The following ATP11A variants were observed in gnomAD, a reference collection of about 807,000 sequenced individuals.
ATP11A encodes the protein ATPase phospholipid transporting 11A.
Under a neutral mutation model 154.4 loss-of-function variants are expected in ATP11A, and 81 were observed. The ratio of observed to expected loss-of-function variants is 0.52; its 90% CI spans 0.44 to 0.63. The LOEUF (loss-of-function observed/expected upper bound fraction) is 0.63, where lower values mean the gene tolerates loss of function less well. Among genes scored for constraint, ATP11A ranks in the 30% least tolerant of loss-of-function variants. The probability of loss-of-function intolerance (pLI) is 0.00; values close to 1 mark genes in which losing one functional copy is unlikely to be tolerated. For synonymous variants in ATP11A, 623 were observed against 585.9 expected (o/e 1.06, Z -0.91); for missense variants, 1,316 against 1,474.3 (o/e 0.89, Z 1.76).
intron 1 of ATP11A, among the ~76,000 whole-genome samples, chr13:112,724,889 A>G (rs1207638635): frequency 1.3e-5 from 2 of 152,146 alleles, no homozygotes; most frequent in African/African-American, 4.8e-5. Context: ...GTCTGACCCA[A>G]GTGTTTCTGT....
At chr13:112,802,573 A>C (rs903942487) in intron 2 of ATP11A, among the ~76,000 whole-genome samples, 12 of 142,520 alleles carry the variant, frequency 8.4e-5, no homozygotes, top group Non-Finnish European at 1.7e-4. Flanking sequence ...AAAAAAAAAA[A>C]CCCAGCAACA....
chr13:112,761,619 T>A (rs1392536185), intron 1 of ATP11A, among the ~76,000 whole-genome samples: 1 of 140,886 alleles, frequency 7.1e-6, no homozygotes, highest in Non-Finnish European at 1.6e-5. Context: ...GGGTACTATC[T>A]CGGATTCAGG....
chr13:112,851,543 A>C (rs2079768211), intron 18 of ATP11A: 1 of 199,050 alleles, frequency 5.0e-6, no homozygotes, highest in Admixed American at 5.4e-5. Flanking sequence ...TTTTTAAGGG[A>C]TGGCATCTTG....
chr13:112,745,074 C>T (rs1891976125), intron 1 of ATP11A, among the ~76,000 whole-genome samples: 1 of 152,164 alleles, frequency 6.6e-6, no homozygotes, highest in South Asian at 2.1e-4. Flanking sequence ...ATAACTATTA[C>T]TATTATTTGA....
At chr13:112,693,111 G>C (rs1000161291) in intron 1 of ATP11A, among the ~76,000 whole-genome samples, 2 of 152,376 alleles carry the variant, frequency 1.3e-5, no homozygotes, top group South Asian at 4.1e-4. Flanking sequence ...TAACCCTGGA[G>C]AGATAGCAGA....
At position 112,746,968 on chromosome 13, in the gene ATP11A, G is replaced by A. The variant is rs577579269; in HGVS notation, c.40-38167G>A. On this transcript the variant is annotated intron_variant, in intron 1 of 29. Coordinates refer to ENST00000375645, the MANE Select transcript of ATP11A (RefSeq NM_015205.3). The surrounding 1 kb of genome is among the most constrained non-coding windows in gnomAD (Gnocchi z 4.1). ...AAAATCGGGTAATTGATTTTTTTCTGTCATTGGCTTGCATTGGCATAGTTT... is the reference window on the plus strand; with the variant it reads ...AAAATCGGGTAATTGATTTTTTTCTATCATTGGCTTGCATTGGCATAGTTT... 28 of 150,566 alleles carry A rather than the reference G, an allele frequency of 1.9e-4. No individual in the cohort carries two copies. Among genetic ancestry groups the A allele is most frequent in the Non-Finnish European group, 4.0e-4 (27 of 67,812 alleles). The allele number at this position is 150,566 out of a possible 1,614,324, so 9.3% of individuals were successfully genotyped here.
intron 1 of ATP11A, among the ~76,000 whole-genome samples, chr13:112,755,599 C>T (rs986025552): frequency 1.3e-5 from 2 of 152,234 alleles, no homozygotes; most frequent in African/African-American, 4.8e-5. Context: ...CTCCCAGAAC[C>T]ATTTCCAATC....
chr13:112,867,500 A>C (rs2080374805), intron 25 of ATP11A, among the ~76,000 whole-genome samples: 1 of 152,156 alleles, frequency 6.6e-6, no homozygotes, highest in Admixed American at 6.5e-5. Flanking sequence ...GGTGCTGGCA[A>C]CGCAGTGCCA....
At chr13:112,826,487 C>A (rs2078937346) in intron 11 of ATP11A, among the ~76,000 whole-genome samples, 1 of 152,216 alleles carries the variant, frequency 6.6e-6, no homozygotes, top group Non-Finnish European at 1.5e-5. Context: ...CACAGCTCAG[C>A]CCCTGGACCC....
At position 112,805,053 on chromosome 13, in the gene ATP11A, C is replaced by T; in HGVS notation, c.252+7C>T. The T allele has an allele frequency of 6.3e-7, 1 of 1,591,942 alleles. No individual in the cohort carries two copies. Among genetic ancestry groups the T allele is most frequent in the Non-Finnish European group, 8.6e-7 (1 of 1,166,710 alleles). On this transcript the variant is annotated splice_region_variant and intron_variant, in intron 3 of 29. Transcript: ENST00000375645. ...TATCATATTTCTGGTGCAGGTAAGGCCGGTCATTGTTTTCCATCTCATCAC... is the reference window on the plus strand; with the variant it reads ...TATCATATTTCTGGTGCAGGTAAGGTCGGTCATTGTTTTCCATCTCATCAC...
In ATP11A at chr13:112,690,719, G is replaced by T. The variant is rs1045860756; in HGVS notation, c.39+264G>T. 6.6e-6 allele frequency among the ~76,000 whole-genome samples: 1 copy of T among 152,006 alleles called. No individual in the cohort carries two copies. Among genetic ancestry groups the T allele is most frequent in the Non-Finnish European group, 1.5e-5 (1 of 67,974 alleles). On this transcript the variant is annotated intron_variant, in intron 1 of 29. Coordinates refer to ENST00000375645, the MANE Select transcript of ATP11A (RefSeq NM_015205.3). This position sits in a 1 kb window ranked among gnomAD's most constrained non-coding sequence, Gnocchi z 5.6. ...TGCTCCCTGGCCGCGGCCGCCTGGC[G>T]CCCCCTTCCCGCCCGCAGCGCCCTG...
chr13:112,774,792 G>A (rs984139289), intron 1 of ATP11A, among the ~76,000 whole-genome samples: 3 of 152,238 alleles, frequency 2.0e-5, no homozygotes, highest in Non-Finnish European at 4.4e-5. Context: ...CTGAATGAAC[G>A]CTCTTTCCTA....
At chr13:112,876,990 C>G (rs1399613325) in intron 28 of ATP11A, among the ~76,000 whole-genome samples, 1 of 152,232 alleles carries the variant, frequency 6.6e-6, no homozygotes, top group African/African-American at 2.4e-5. Flanking sequence ...ATGTTGAAAC[C>G]GATGCCACCA....
intron 1 of ATP11A, among the ~76,000 whole-genome samples, chr13:112,718,277 AT>A (rs1003858569): frequency 6.6e-6 from 1 of 152,022 alleles, no homozygotes; most frequent in Non-Finnish European, 1.5e-5. Context: ...AAGCACCTGG[AT>A]TTTTTTGACG....
Position 112,831,512 on chromosome 13 carries a change from C to T in ATP11A, c.1359C>T (p.Ile453=), listed in dbSNP as rs370697731. The change falls in exon 13 of 30, where the codon ATC becomes ATT. Residue 453 remains isoleucine (I), a synonymous_variant. Coordinates refer to ENST00000375645, the MANE Select transcript of ATP11A (RefSeq NM_015205.3). ...NGQVLPESSG[I]DMIDSSPSVN... is the part of the protein sequence containing the mutation. ...AGGTCCTCCCAGAGTCGTCAGGAAT[C>T]GACATGATTGACTCGTCCCCCAGCG... The T allele has an allele frequency of 1.1e-5, 18 of 1,614,178 alleles. No homozygotes were observed. Among genetic ancestry groups the T allele is most frequent in the Non-Finnish European group, 1.4e-5 (16 of 1,180,032 alleles).
chr13:112,845,596 G>A (rs1301676050), intron 17 of ATP11A, among the ~76,000 whole-genome samples: 19 of 101,834 alleles, frequency 1.9e-4, no homozygotes, highest in African/African-American at 6.7e-4. Flanking sequence ...GTTCTAACCA[G>A]TCCAGTTACC....
chr13:112,739,676 C>A (rs1891336639), intron 1 of ATP11A, among the ~76,000 whole-genome samples: 1 of 152,230 alleles, frequency 6.6e-6, no homozygotes, highest in Non-Finnish European at 1.5e-5. Context: ...CACAGATGTT[C>A]TTGTGTTCTT....
At chr13:112,728,536 G>A (rs1488059467) in intron 1 of ATP11A, among the ~76,000 whole-genome samples, 2 of 148,054 alleles carry the variant, frequency 1.4e-5, no homozygotes, top group Admixed American at 6.8e-5. Context: ...GGGGCCGTGA[G>A]ACTGTGTGGC....
intron 1 of ATP11A, among the ~76,000 whole-genome samples, chr13:112,709,167 T>A (rs74115446): frequency 0.05 from 7,573 of 152,192 alleles, 676 homozygotes; most frequent in African/African-American, 0.17. Flanking sequence ...GATTTTTTTT[T>A]AAATTTACCC....
Sources: allele counts gnomAD v4.1 joint callset (sites outside exome capture counted in the v4.1 genomes callset), GRCh38; gene constraint gnomAD v4.1.1; non-coding constraint Gnocchi (gnomAD v3.1); transcripts MANE v1.5; gene names NCBI Gene and HGNC (gene_info 2026-07-23, HGNC 2026-07-21).